The following SLC27A1 variants were observed in gnomAD, a reference collection of about 807,000 sequenced individuals.
SLC27A1 encodes the protein solute carrier family 27 member 1, also known as long-chain fatty acid transport protein 1.
In SLC27A1, 61 loss-of-function variants were observed where a neutral mutation model predicts 62.2. The ratio of observed to expected loss-of-function variants is 0.98; its 90% CI spans 0.80 to 1.21. The LOEUF is 1.21. Ranked by LOEUF, SLC27A1 falls within the 50% of genes most tolerant of loss-of-function variation. SLC27A1 has a pLI of 0.00. For synonymous variants in SLC27A1, 435 were observed against 408.6 expected, an observed-to-expected ratio of 1.06 and a Z score of -0.78; for missense variants, 903 against 932.1, an observed-to-expected ratio of 0.97 and a Z score of 0.41.
chr19:17,504,363 G>A, intron 11 of SLC27A1, 92 bp from the exon 12 acceptor site: 1 of 1,464,886 alleles, frequency 6.8e-7, no homozygotes, highest in South Asian at 1.2e-5. Context: ...GACAGCCTGT[G>A]GGAAGGTCCA....
chr19:17,493,438 A>AC (rs2075316224), intron 6 of SLC27A1, among the ~76,000 whole-genome samples: 1 of 151,398 alleles, frequency 6.6e-6, no homozygotes. Context: ...AAAAAAAAAA[A>AC]AAAAAAAAAA....
intron 1 of SLC27A1, among the ~76,000 whole-genome samples, chr19:17,479,113 T>TA (rs1384232363): frequency 6.6e-6 from 1 of 151,888 alleles, no homozygotes; most frequent in Non-Finnish European, 1.5e-5. Flanking sequence ...ATAAAAAATT[T>TA]AAAAAATTAT....
intron 1 of SLC27A1, among the ~76,000 whole-genome samples, chr19:17,485,209 T>TTTG (rs55890614): frequency 0.33 from 47,102 of 143,738 alleles, 8,153 homozygotes; most frequent in African/African-American, 0.4. Context: ...TTTTTTTTTT[T>TTTG]GATGGAGTCT....
chr19:17,477,104 G>C (rs1447748397), intron 1 of SLC27A1, among the ~76,000 whole-genome samples: 1 of 151,920 alleles, frequency 6.6e-6, no homozygotes, highest in Non-Finnish European at 1.5e-5. Flanking sequence ...GGCCAGGCTG[G>C]TCTCGAACTC....
chr19:17,473,385 A>T (rs1945971533), intron 1 of SLC27A1, among the ~76,000 whole-genome samples: 1 of 152,140 alleles, frequency 6.6e-6, no homozygotes, highest in African/African-American at 2.4e-5. Context: ...TGGTGTGTGT[A>T]TGTTAAGGAA....
At chr19:17,484,625 C>T (rs1402684194) in intron 1 of SLC27A1, among the ~76,000 whole-genome samples, 5 of 149,616 alleles carry the variant, frequency 3.3e-5, no homozygotes, top group Middle Eastern at 3.5e-3. Flanking sequence ...GAATGAATGA[C>T]GGAGGGAGGG....
At chr19:17,488,776 GC>G in intron 4 of SLC27A1, 71 bp from the exon 5 acceptor site, 3 of 1,384,954 alleles carry the variant, frequency 2.2e-6, no homozygotes, top group South Asian at 2.4e-5. Flanking sequence ...CATGCAGCAT[GC>G]TTCCCCATGC....
In SLC27A1 at chr19:17,500,631, AG is replaced by A. The variant is rs754622132; in HGVS notation, c.1471+1del. ...FSKGDSAYLS[G>X]DVLVMDELGY... is the part of the protein sequence containing the mutation. ...GCAAGGGCGACAGCGCCTACCTCTC[AG>A]GTGCGCAGCCTGCTAGGCCCCGGTG... On this transcript the variant is annotated frameshift_variant and splice_region_variant, in exon 9 of 12. Coordinates refer to ENST00000252595, the MANE Select transcript of SLC27A1 (RefSeq NM_198580.3). LOFTEE classifies it high-confidence loss of function. 9 of 1,613,726 alleles carry A rather than the reference AG, an allele frequency of 5.6e-6. No individual in the cohort carries two copies. The highest frequency in any genetic ancestry group is 7.6e-6 in the Non-Finnish European group (9 of 1,179,972).
At chr19:17,497,074 A>C in intron 6 of SLC27A1, 181 bp from the exon 7 acceptor site, 1 of 542,762 alleles carries the variant, frequency 1.8e-6, no homozygotes, top group Admixed American at 4.3e-5. Context: ...AGACTGAACG[A>C]GTCCTAGGAG....
intron 1 of SLC27A1, among the ~76,000 whole-genome samples, chr19:17,472,939 C>T (rs1315051720): frequency 1.3e-5 from 2 of 152,030 alleles, no homozygotes; most frequent in African/African-American, 2.4e-5. Flanking sequence ...GGACTACAAA[C>T]GCCTGCCTCC....
intron 1 of SLC27A1, among the ~76,000 whole-genome samples, chr19:17,471,346 G>A (rs1441921600): frequency 6.6e-6 from 1 of 152,084 alleles, no homozygotes; most frequent in Non-Finnish European, 1.5e-5. Flanking sequence ...GGGTTTGGGA[G>A]TTGTTCGGAG....
intron 1 of SLC27A1, among the ~76,000 whole-genome samples, chr19:17,478,012 C>T (rs1429996001): frequency 6.6e-6 from 1 of 152,144 alleles, no homozygotes. Context: ...CTACACCTGG[C>T]CCTGAAGTGT....
rs188376321 is a variant in SLC27A1 at position 17,500,610 on chromosome 19, G to A, written c.1449G>A (p.Lys483=). ...SKKIAHSVFS[K]GDSAYLSGDV... ...AGATCGCCCACAGCGTCTTCAGCAA[G>A]GGCGACAGCGCCTACCTCTCAGGTG... The change falls in exon 9 of 12, where the codon AAG becomes AAA. Residue 483 remains lysine, a synonymous_variant. Coordinates refer to ENST00000252595, the MANE Select transcript of SLC27A1 (RefSeq NM_198580.3). The A allele has an allele frequency of 3.1e-6, 5 of 1,613,740 alleles. No homozygotes were observed. The Admixed American group carries it at 8.3e-5, about 27-fold the overall frequency.
chr19:17,470,510 C>G (rs527880623), upstream of SLC27A1: 198 of 1,509,658 alleles, frequency 1.3e-4, 1 homozygote, highest in African/African-American at 1.7e-3. Context: ...CTGGAGCGGC[C>G]CGCGGCCTCA....
At chr19:17,470,521 GCT>G (rs1462731803), upstream of SLC27A1, 4 of 1,534,752 alleles carry the variant, frequency 2.6e-6, no homozygotes, top group African/African-American at 2.8e-5. Flanking sequence ...CGCGGCCTCA[GCT>G]CTCTCTGCTT....
intron 5 of SLC27A1, 34 bp from the exon 6 acceptor site, chr19:17,488,974 G>A: frequency 6.2e-7 from 1 of 1,613,898 alleles, no homozygotes; most frequent in Non-Finnish European, 8.5e-7. Flanking sequence ...GTGGGTGGGG[G>A]CGGGGGACCC....
intron 1 of SLC27A1, among the ~76,000 whole-genome samples, chr19:17,476,195 C>T (rs531799950): frequency 3.3e-5 from 5 of 152,100 alleles, no homozygotes; most frequent in Admixed American, 1.3e-4. Flanking sequence ...TGGGGTGCTC[C>T]GTCAAATTCA....
rs751968470 is a variant in SLC27A1, at chr19:17,504,442, A to G, written c.1784-13A>G. The G allele has an allele frequency of 6.9e-5, 111 of 1,613,822 alleles. No homozygotes were observed. The South Asian group carries it at 1.2e-3, about 17-fold the overall frequency. ...CCTGCTCAGCCCTTATCTGCCCCCCATCCCCACTATAGGCACCTTCAAGAT... is the reference window on the plus strand; with the variant it reads ...CCTGCTCAGCCCTTATCTGCCCCCCGTCCCCACTATAGGCACCTTCAAGAT... On this transcript the variant is annotated splice_polypyrimidine_tract_variant and intron_variant, in intron 11 of 11. Coordinates refer to ENST00000252595, the MANE Select transcript of SLC27A1 (RefSeq NM_198580.3).
chr19:17,497,492 G>T (rs2075363053), intron 7 of SLC27A1, 28 bp downstream of exon 7: 5 of 1,578,626 alleles, frequency 3.2e-6, no homozygotes, highest in Non-Finnish European at 4.3e-6. Flanking sequence ...CCCGGGGCAG[G>T]TCTCGGAGTT....
Sources: gnomAD v4.1 joint callset for allele counts (sites outside exome capture counted in the v4.1 genomes callset) on GRCh38, gnomAD v4.1.1 for gene constraint, MANE v1.5 for transcripts, NCBI Gene and HGNC (gene_info 2026-07-23, HGNC 2026-07-21) for gene names.